MGAM: variants seen among roughly 807,000 people sequenced by gnomAD.
MGAM encodes the protein alpha-1,4-glucosidase.
Under a neutral mutation model 358.8 loss-of-function variants are expected in MGAM, and 253 were observed. The observed-to-expected ratio is 0.71, with a 90% CI of 0.64 to 0.78. The LOEUF is 0.78. Ranked by LOEUF, MGAM falls within the 30% of genes least tolerant of loss-of-function variation. The pLI, the probability that MGAM is intolerant of heterozygous loss-of-function variation, is 0.00. For synonymous variants in MGAM, 1,105 were observed against 1,227.1 expected (o/e 0.90, Z 2.08); for missense variants, 3,080 against 3,432.6 (o/e 0.90, Z 2.57).
intron 3 of MGAM, among the ~76,000 whole-genome samples, chr7:142,010,401 C>T (rs1554454024): frequency 6.6e-6 from 1 of 152,098 alleles, no homozygotes. Flanking sequence ...GCTAGTAGTT[C>T]TATTAAGCTT....
upstream of MGAM, among the ~76,000 whole-genome samples, chr7:141,995,245 C>CAA (rs60373445): frequency 8.3e-3 from 1,119 of 134,236 alleles, 16 homozygotes; most frequent in African/African-American, 0.026. Flanking sequence ...AAAAGCCAAC[C>CAA]AAAAAAAAAA....
chr7:142,048,168 T>C (rs1226916357), intron 22 of MGAM, among the ~76,000 whole-genome samples: 1 of 142,202 alleles, frequency 7.0e-6, no homozygotes, highest in Non-Finnish European at 1.5e-5. Flanking sequence ...TATTTATTTA[T>C]TGAGGTGGAG....
intron 44 of MGAM, 79 bp from the exon 45 acceptor site, chr7:142,074,006 A>G (rs1246146237): frequency 9.6e-7 from 1 of 1,042,280 alleles, no homozygotes; most frequent in East Asian, 2.5e-5. Flanking sequence ...CCAGTTTGAA[A>G]TTTGATGGAA....
chr7:141,999,839 G>T (rs1163014034), intron 1 of MGAM, among the ~76,000 whole-genome samples: 1 of 151,986 alleles, frequency 6.6e-6, no homozygotes, highest in African/African-American at 2.4e-5. Flanking sequence ...TTCTAATTGA[G>T]ATAGGAAGCT....
intron 22 of MGAM, among the ~76,000 whole-genome samples, chr7:142,049,271 T>G (rs988631882): frequency 2.0e-5 from 3 of 152,198 alleles, no homozygotes; most frequent in Non-Finnish European, 4.4e-5. Context: ...GATGGACACT[T>G]AGGTTATTTT....
In MGAM at chr7:142,030,186, GT is replaced by G. The variant is rs375853331; in HGVS notation, c.1222-175del. ...CCAAGCCCTAGGGAACCAACCAGTC[GT>G]GTGTTTTTGAAATCAACATTGGAAA... On this transcript the variant is annotated intron_variant, in intron 10 of 70. Transcript: ENST00000475668. The G allele has an allele frequency of 2.1e-4, 140 of 680,268 alleles. No individual in the cohort carries two copies. In the East Asian group the frequency reaches 3.4e-3, roughly 17 times the overall value. 42.1% of individuals were successfully genotyped at this position (680,268 alleles called of 1,614,324 possible).
At chr7:142,035,556 G>A (rs1807907859) in intron 16 of MGAM, among the ~76,000 whole-genome samples, 1 of 152,170 alleles carries the variant, frequency 6.6e-6, no homozygotes, top group South Asian at 2.1e-4. Context: ...ACCTTGAAAA[G>A]TGAGTATTTT....
chr7:142,059,748 C>T, intron 32 of MGAM, 108 bp from the exon 33 acceptor site: 1 of 1,569,372 alleles, frequency 6.4e-7, no homozygotes, highest in African/African-American at 1.4e-5. Context: ...AGAAACTCTA[C>T]TGTGCAGGTA....
chr7:142,048,310 G>C (rs535120615), intron 22 of MGAM, among the ~76,000 whole-genome samples: 5 of 151,502 alleles, frequency 3.3e-5, no homozygotes, highest in Non-Finnish European at 5.9e-5. Flanking sequence ...CACCATGCCT[G>C]GCTAATTTTT....
chr7:142,053,197 T>A (rs539435866), intron 26 of MGAM, among the ~76,000 whole-genome samples: 3 of 152,142 alleles, frequency 2.0e-5, no homozygotes, highest in Non-Finnish European at 4.4e-5. Context: ...AGGAAAATGG[T>A]TGGGAGAGCA....
rs753191564 is a variant in MGAM, at chr7:142,085,824, C to T, written c.6508-9C>T. On this transcript the variant is annotated splice_polypyrimidine_tract_variant and intron_variant, in intron 54 of 70. Transcript: ENST00000475668. ...CAGCAGCCTCTCAGCTCCCCATGTC[C>T]TCCCGCAGGACGTGCAGTACTCAGA... The T allele has an allele frequency of 3.5e-5, 54 of 1,563,022 alleles. 4 individuals are homozygous for T. The highest frequency in any genetic ancestry group is 4.6e-5 in the Non-Finnish European group (52 of 1,139,642).
At chr7:141,989,473 C>T (rs76121237) in intron 2 of MGAM, among the ~76,000 whole-genome samples, 1,728 of 152,010 alleles carry the variant, frequency 0.011, 27 homozygotes, top group African/African-American at 0.04. Flanking sequence ...AATGGTTGTC[C>T]AAGTTCTGCA....
intron 64 of MGAM, 25 bp downstream of exon 64, chr7:142,095,738 T>G: frequency 1.2e-6 from 2 of 1,610,286 alleles, no homozygotes; most frequent in Non-Finnish European, 1.7e-6. Flanking sequence ...GGGATCCCAA[T>G]GCCTAATGGA....
At chr7:142,012,543 G>C (rs1805676147) in intron 3 of MGAM, among the ~76,000 whole-genome samples, 4 of 152,130 alleles carry the variant, frequency 2.6e-5, no homozygotes, top group Admixed American at 2.0e-4. Context: ...ATTGCTCTAA[G>C]TCTTCTATTT....
In MGAM at chr7:142,036,238, G is replaced by A; in HGVS notation, c.2029G>A (p.Gly677Ser). 6.2e-7 allele frequency: 1 copy of A among 1,611,750 alleles called. No homozygotes were observed. Among genetic ancestry groups the A allele is most frequent in the Admixed American group, 1.7e-5 (1 of 59,728 alleles). ...EELCRRWMQLGAFYPFSRNHN... is the reference protein window; with the variant it reads ...EELCRRWMQLSAFYPFSRNHN... The stretch of plus-strand genomic sequence containing the variant: ...GCTCTGTAGGCGGTGGATGCAGTTG[G>A]GTGCATTTTATCCGTTTTCTAGAAA... The change falls in exon 17 of 71, where the codon GGT (glycine) becomes AGT (serine). Residue 677 changes from glycine (G) to serine (S), a missense_variant. Transcript: ENST00000475668.
chr7:142,008,527 G>T lies in MGAM; in HGVS notation c.149G>T (p.Gly50Val), dbSNP rs1458554924. The change falls in exon 3 of 71, where the codon GGT (glycine) becomes GTT (valine). Residue 50 changes from glycine to valine, a missense_variant. Physicochemically the swap from Gly to Val is moderately radical, Grantham distance 109. Transcript: ENST00000475668. Reference protein sequence around the residue: ...KSTAPDPGTTGTPDPGTTGTP... With the variant: ...KSTAPDPGTTVTPDPGTTGTP... ...ATAGCCCCAGATCCTGGGACAACTGGTACCCCAGATCCTGGGACAACTGGT... is the reference window on the plus strand; with the variant it reads ...ATAGCCCCAGATCCTGGGACAACTGTTACCCCAGATCCTGGGACAACTGGT... The T allele has an allele frequency of 5.6e-6, 9 of 1,610,804 alleles. No individual in the cohort carries two copies. The highest frequency in any genetic ancestry group is 7.6e-6 in the Non-Finnish European group (9 of 1,178,482).
intron 1 of MGAM, among the ~76,000 whole-genome samples, chr7:141,998,108 A>G (rs782681964): frequency 3.3e-5 from 5 of 152,146 alleles, no homozygotes; most frequent in Non-Finnish European, 7.4e-5. Context: ...TTGGGCCCCC[A>G]TGTGGTTTGT....
At chr7:142,026,249 A>T (rs899421376) in intron 8 of MGAM, among the ~76,000 whole-genome samples, 9 of 151,960 alleles carry the variant, frequency 5.9e-5, no homozygotes, top group Non-Finnish European at 1.3e-4. Flanking sequence ...CACTGAGGTT[A>T]GTTACCTCCA....
intron 47 of MGAM, among the ~76,000 whole-genome samples, chr7:142,078,115 G>C (rs1813897213): frequency 6.8e-6 from 1 of 146,118 alleles, no homozygotes; most frequent in African/African-American, 2.4e-5. Flanking sequence ...CTAGAGGGGA[G>C]TCATATGCCC....
Sources: gnomAD v4.1 joint callset for allele counts (sites outside exome capture counted in the v4.1 genomes callset) on GRCh38, gnomAD v4.1.1 for gene constraint, MANE v1.5 for transcripts, NCBI Gene and HGNC (gene_info 2026-07-23, HGNC 2026-07-21) for gene names.